PTK2: variants seen among roughly 807,000 people sequenced by gnomAD.
PTK2 encodes the protein focal adhesion kinase 1.
A neutral mutation model predicts 150.1 loss-of-function variants in PTK2; 45 were observed. That is an observed-to-expected ratio of 0.30 (90% CI 0.24 to 0.38). The LOEUF (loss-of-function observed/expected upper bound fraction) is 0.38. Among genes scored for constraint, PTK2 ranks in the 10% least tolerant of loss-of-function variants. The pLI is 1.00. For synonymous variants in PTK2, 432 were observed against 449.2 expected, an observed-to-expected ratio of 0.96 and a Z score of 0.48; for missense variants, 919 against 1,307.3, an observed-to-expected ratio of 0.70 and a Z score of 4.58.
exon 18 of PTK2, chr8:140,746,795 C>A (rs1361201887): frequency 6.2e-7 from 1 of 1,613,286 alleles, no homozygotes; most frequent in Non-Finnish European, 8.5e-7. Context: ...ATTATCCAGA[C>A]AGGATTCTCT....
chr8:140,872,102 T>C (rs1003269592), intron 4 of PTK2, among the ~76,000 whole-genome samples: 1 of 152,092 alleles, frequency 6.6e-6, no homozygotes, highest in Non-Finnish European at 1.5e-5. Flanking sequence ...AGCTACTCAG[T>C]GACACTATCT....
intron 3 of PTK2, among the ~76,000 whole-genome samples, chr8:140,882,520 A>G (rs2100149779): frequency 1.3e-5 from 2 of 152,192 alleles, no homozygotes; most frequent in South Asian, 4.1e-4. Flanking sequence ...CTACTCTGAA[A>G]CCTGTCTCTC....
intron 20 of PTK2, among the ~76,000 whole-genome samples, chr8:140,742,031 G>A (rs1478172812): frequency 1.3e-5 from 2 of 152,212 alleles, no homozygotes; most frequent in Non-Finnish European, 2.9e-5. Context: ...AGCAATTTGG[G>A]AGGCTAAGGT....
chr8:140,880,358 A>G (rs2154607086), intron 3 of PTK2, among the ~76,000 whole-genome samples: 1 of 152,330 alleles, frequency 6.6e-6, no homozygotes, highest in South Asian at 2.1e-4. Flanking sequence ...GGAGCAATGG[A>G]CAGGTTAAGT....
intron 5 of PTK2, among the ~76,000 whole-genome samples, chr8:140,857,082 C>T (rs2100133128): frequency 6.6e-6 from 1 of 152,152 alleles, no homozygotes; most frequent in Admixed American, 6.5e-5. Context: ...ATAATTTCCC[C>T]ACAGTTAAAG....
intron 23 of PTK2, among the ~76,000 whole-genome samples, chr8:140,708,968 C>CCAA (rs1554772436): frequency 9.1e-5 from 12 of 132,514 alleles, no homozygotes; most frequent in Non-Finnish European, 1.9e-4. Context: ...TAAATTCAGG[C>CCAA]AAAAAAAAAA....
chr8:140,761,272 A>AT lies in PTK2; in HGVS notation c.1235-11dup, dbSNP rs2154547671. The AT allele has an allele frequency of 6.4e-7, 1 of 1,573,180 alleles. No individual in the cohort carries two copies. Among genetic ancestry groups the AT allele is most frequent in the South Asian group, 1.1e-5 (1 of 90,224 alleles). ...ATCTCATAATCCCTGGCTGTAAAAC[A>AT]TAATTCACACATCAATACTTAAGTA... On this transcript the variant is annotated splice_polypyrimidine_tract_variant and intron_variant, in intron 15 of 31. Transcript: ENST00000522684.
At chr8:140,962,352 G>C (rs1476905336) in intron 1 of PTK2, among the ~76,000 whole-genome samples, 1 of 152,136 alleles carries the variant, frequency 6.6e-6, no homozygotes, top group Non-Finnish European at 1.5e-5. Context: ...AATTCTTGCT[G>C]TTTTGTGTGG....
At chr8:140,787,558 A>G (rs2100085671) in intron 14 of PTK2, among the ~76,000 whole-genome samples, 1 of 152,204 alleles carries the variant, frequency 6.6e-6, no homozygotes, top group African/African-American at 2.4e-5. Context: ...CCAGCTGCTA[A>G]AAGACACATC....
chr8:140,832,064 TG>T (rs2154603023), intron 7 of PTK2, among the ~76,000 whole-genome samples: 2 of 152,308 alleles, frequency 1.3e-5, no homozygotes, highest in African/African-American at 4.8e-5. Context: ...TCAGAGTGTT[TG>T]TTTTTTTGAG....
At chr8:140,785,849 G>A (rs1400935652) in intron 14 of PTK2, among the ~76,000 whole-genome samples, 2 of 152,190 alleles carry the variant, frequency 1.3e-5, no homozygotes, top group African/African-American at 2.4e-5. Context: ...CAAGGCCACT[G>A]TGGGATTAAA....
intron 24 of PTK2, among the ~76,000 whole-genome samples, chr8:140,703,712 G>T (rs1230058785): frequency 6.6e-6 from 1 of 152,190 alleles, no homozygotes; most frequent in Non-Finnish European, 1.5e-5. Flanking sequence ...TGATGACTAA[G>T]GCAGAGAGAA....
intron 1 of PTK2, among the ~76,000 whole-genome samples, chr8:140,984,670 T>C (rs1216535171): frequency 3.9e-5 from 6 of 152,112 alleles, no homozygotes; most frequent in Admixed American, 3.9e-4. Context: ...AAGGTAAACA[T>C]GTGCTGGCAA....
intron 14 of PTK2, among the ~76,000 whole-genome samples, chr8:140,781,941 A>T (rs1017477273): frequency 6.6e-6 from 1 of 152,196 alleles, no homozygotes; most frequent in Non-Finnish European, 1.5e-5. Flanking sequence ...GGGCTATCGG[A>T]AAGAAGGCAG....
chr8:140,734,877 G>C (rs1450157885), intron 22 of PTK2: 1 of 442,054 alleles, frequency 2.3e-6, no homozygotes, highest in African/African-American at 2.0e-5. Flanking sequence ...AGCTGTGTTA[G>C]GAGAATTATA....
intron 3 of PTK2, among the ~76,000 whole-genome samples, chr8:140,888,995 C>T (rs1215252693): frequency 6.6e-6 from 1 of 151,912 alleles, no homozygotes; most frequent in Non-Finnish European, 1.5e-5. Flanking sequence ...GCAGGATGCT[C>T]ATTGCAGGCC....
chr8:140,990,289 T>C (rs533756682), intron 1 of PTK2, among the ~76,000 whole-genome samples: 25 of 151,908 alleles, frequency 1.6e-4, no homozygotes, highest in African/African-American at 4.8e-4. Flanking sequence ...GGTTGGAGTG[T>C]AGTGGTGTGA....
At chr8:140,702,457 A>T in intron 25 of PTK2, 113 bp downstream of exon 28, 2 of 1,332,308 alleles carry the variant, frequency 1.5e-6, no homozygotes, top group Non-Finnish European at 2.1e-6. Context: ...GGGCTCAAGC[A>T]ATCCTCCTAC....
At chr8:140,854,120 C>T (rs2100131066) in intron 5 of PTK2, among the ~76,000 whole-genome samples, 2 of 152,204 alleles carry the variant, frequency 1.3e-5, no homozygotes, top group South Asian at 2.1e-4. Context: ...GTTTTAGACT[C>T]AGTATTTTCT....
Sources: allele counts gnomAD v4.1 joint callset (sites outside exome capture counted in the v4.1 genomes callset), GRCh38; gene constraint gnomAD v4.1.1; transcripts MANE v1.5; gene names NCBI Gene and HGNC (gene_info 2026-07-23, HGNC 2026-07-21).